The following BAZ1B variants were observed in gnomAD, a reference collection of about 807,000 sequenced individuals.
The protein encoded by BAZ1B is bromodomain adjacent to zinc finger domain 1B, also known as tyrosine-protein kinase BAZ1B.
BAZ1B carries 22 observed loss-of-function variants against 153.8 expected under a neutral mutation model. The ratio of observed to expected loss-of-function variants is 0.14; its 90% CI spans 0.10 to 0.20. The LOEUF is 0.20. BAZ1B is among the 10% of genes least tolerant of loss of function. The pLI is 1.00. For missense variants in BAZ1B, 1,325 were observed against 1,799.3 expected, an observed-to-expected ratio of 0.74 and a Z score of 4.77; for synonymous variants, 676 against 633.4, an observed-to-expected ratio of 1.07 and a Z score of -1.01.
chr7:73,443,691 C>T (rs575837130), intron 17 of BAZ1B, among the ~76,000 whole-genome samples: 2 of 152,320 alleles, frequency 1.3e-5, no homozygotes, highest in East Asian at 3.9e-4. Context: ...CCCAGCCCCT[C>T]TGAGCCCACT....
chr7:73,493,218 TGGGAGGCTGA>T (rs1417758705), intron 4 of BAZ1B, among the ~76,000 whole-genome samples: 3 of 152,098 alleles, frequency 2.0e-5, no homozygotes, highest in Non-Finnish European at 2.9e-5. Flanking sequence ...CCCAGCACTT[TGGGAGGCTGA>T]GGGAGGCGGA....
chr7:73,463,232 CTTTTTTCTTTTTTTTTTT>C (rs1788458116), intron 11 of BAZ1B, 133 bp from the exon 12 acceptor site: 1 of 638,504 alleles, frequency 1.6e-6, no homozygotes, highest in Admixed American at 3.7e-5. Context: ...GGTGTTTTTT[CTTTTTTCTTTTTTTTTTT>C]TTTTTTTCCC....
chr7:73,449,806 T>C (rs1225174968), intron 14 of BAZ1B, 117 bp from the exon 15 acceptor site: 3 of 1,112,976 alleles, frequency 2.7e-6, no homozygotes, highest in Non-Finnish European at 2.5e-6. Context: ...TTCCATAGAA[T>C]GCTACCCAGT....
chr7:73,442,800 C>T lies in BAZ1B; in HGVS notation c.4019G>A (p.Arg1340Lys), dbSNP rs150115317. The change falls in exon 18 of 20, where the codon AGG (arginine) becomes AAG (lysine). Residue 1340 changes from arginine to lysine, a missense_variant. Arg to Lys is a conservative substitution (Grantham distance 26, BLOSUM62 2). Transcript: ENST00000339594. Reference sequence around the variant, plus strand: ...ACACTTCTGCAGCTCCAGGCTTTGCCTCCGGGAGCTCCGCTTGGTCTGAAG... The same window carrying T: ...ACACTTCTGCAGCTCCAGGCTTTGCTTCCGGGAGCTCCGCTTGGTCTGAAG... ...LVLQTKRSSR[R>K]QSLELQKCEE... is the part of the protein sequence containing the mutation. The T allele has an allele frequency of 4.1e-3, 6,606 of 1,614,066 alleles. 14 individuals carry two copies. Among genetic ancestry groups the T allele is most frequent in the Non-Finnish European group, 5.1e-3 (5,988 of 1,179,926 alleles).
At chr7:73,443,541 T>C (rs1787710059) in intron 17 of BAZ1B, among the ~76,000 whole-genome samples, 1 of 152,164 alleles carries the variant, frequency 6.6e-6, no homozygotes, top group Non-Finnish European at 1.5e-5. Flanking sequence ...TTTTTTGTTC[T>C]TTAAAGCTCA....
intron 15 of BAZ1B, 108 bp from the exon 16 acceptor site, chr7:73,447,487 T>C (rs1787881845): frequency 1.5e-6 from 2 of 1,304,922 alleles, no homozygotes; most frequent in South Asian, 1.5e-5. Context: ...AGACTACATA[T>C]GTATAACGTA....
Position 73,466,365 on chromosome 7 carries a change from T to C in BAZ1B, c.2903A>G (p.Asn968Ser), listed in dbSNP as rs782293251. The change falls in exon 10 of 20, where the codon AAC becomes AGC. Residue 968 changes from asparagine to serine, a missense_variant. Physicochemically the swap from Asn to Ser is conservative, Grantham distance 46 (BLOSUM62 1). Around this residue, in one of 9 missense-constraint regions of BAZ1B, gnomAD observed 431 missense variants for 563.5 expected, o/e 0.76. Transcript: ENST00000339594. ...TTCTGTTGCTGTTCCATGTTGTGTGTTCATGCTTGCATTTTTACCTAAGTT... is the reference window on the plus strand; with the variant it reads ...TTCTGTTGCTGTTCCATGTTGTGTGCTCATGCTTGCATTTTTACCTAAGTT... The part of the protein sequence containing the change: ...KANLGKNASM[N>S]TQHGTATEVA... The C allele has an allele frequency of 4.0e-5, 64 of 1,613,930 alleles. No homozygotes were observed. The Admixed American group carries it at 9.7e-4, about 24-fold the overall frequency.
chr7:73,456,375 G>T (rs1318867356), intron 13 of BAZ1B, among the ~76,000 whole-genome samples: 2 of 152,164 alleles, frequency 1.3e-5, no homozygotes, highest in African/African-American at 4.8e-5. Context: ...GGCTACCCAT[G>T]GAACTGGAGA....
At position 73,521,946 on chromosome 7, in the gene BAZ1B, G is replaced by T; in HGVS notation, c.-13C>A. Reference sequence around the variant, plus strand: ...GGAGCGGCGCCATCGCGGCGGCGGCGGTGGGGACTGGCGGCTGCTGGGGCC... The same window carrying T: ...GGAGCGGCGCCATCGCGGCGGCGGCTGTGGGGACTGGCGGCTGCTGGGGCC... On this transcript the variant is annotated 5_prime_UTR_variant, in exon 1 of 20. Coordinates refer to ENST00000339594, the MANE Select transcript of BAZ1B (RefSeq NM_032408.4). 1.4e-6 allele frequency: 2 copies of T among 1,448,664 alleles called. No individual in the cohort carries two copies. The highest frequency in any genetic ancestry group is 3.7e-4 in the Middle Eastern group (2 of 5,342). The allele number at this position is 1,448,664 out of a possible 1,614,324, so 89.7% of individuals were successfully genotyped here.
Position 73,447,316 on chromosome 7 carries a change from C to T in BAZ1B, c.3792G>A (p.Glu1264=). ...SEDDESDEEE[E]EEEEEEEEED... is the part of the protein sequence containing the mutation. ...CTTCCTCCTCCTCCTCTTCTTCCTC[C>T]TCCTCCTCTTCATCACTCTCATCAT... is the stretch of plus-strand genomic sequence containing the variant. The change falls in exon 16 of 20, where the codon GAG becomes GAA. Residue 1264 remains glutamate (E), a synonymous_variant. Coordinates refer to ENST00000339594, the MANE Select transcript of BAZ1B (RefSeq NM_032408.4). 6.2e-7 allele frequency: 1 copy of T among 1,613,418 alleles called. No homozygotes were observed. Among genetic ancestry groups the T allele is most frequent in the South Asian group, 1.1e-5 (1 of 91,044 alleles).
chr7:73,507,216 T>C (rs1790379902), intron 3 of BAZ1B: 1 of 152,070 alleles, frequency 6.6e-6, no homozygotes, highest in Non-Finnish European at 1.5e-5. Flanking sequence ...ATGTGCTCAC[T>C]TTGTCAGCAC....
At chr7:73,447,480 C>CTACATACGTTA in intron 15 of BAZ1B, 101 bp from the exon 16 acceptor site, 4 of 1,353,258 alleles carry the variant, frequency 3.0e-6, no homozygotes, top group South Asian at 1.4e-5. Context: ...TCTTCACAGA[C>CTACATACGTTA]TACATATGTA....
intron 1 of BAZ1B, among the ~76,000 whole-genome samples, chr7:73,512,299 A>AT (rs113787048): frequency 0.014 from 1,959 of 140,792 alleles, 40 homozygotes; most frequent in African/African-American, 0.045. Flanking sequence ...TTTTTGTGTG[A>AT]TTTTTTTTTT....
intron 13 of BAZ1B, among the ~76,000 whole-genome samples, chr7:73,456,061 C>G (rs1788187547): frequency 6.6e-6 from 1 of 152,038 alleles, no homozygotes; most frequent in Admixed American, 6.6e-5. Flanking sequence ...AATAATAAAG[C>G]ATGCTACATT....
Position 73,441,108 on chromosome 7 carries a change from T to TCCCC in BAZ1B, c.*597_*600dup, listed in dbSNP as rs1554564759. On this transcript the variant is annotated 3_prime_UTR_variant, in exon 20 of 20. Transcript: ENST00000339594. Reference sequence around the variant, plus strand: ...GGCAGCAGACACAGCACTGCCCTGCTCCCCCTCCAATGTTGCTGCTTGCCT... The same window carrying TCCCC: ...GGCAGCAGACACAGCACTGCCCTGCTCCCCCCCCCTCCAATGTTGCTGCTTGCCT... 6.6e-6 allele frequency: 1 copy of TCCCC among 152,082 alleles called. No individual in the cohort carries two copies. The highest frequency in any genetic ancestry group is 1.5e-5 in the Non-Finnish European group (1 of 68,036). 9.4% of individuals were successfully genotyped at this position (152,082 alleles called of 1,614,324 possible).
chr7:73,473,037 G>T (rs545909032), intron 7 of BAZ1B, among the ~76,000 whole-genome samples: 1 of 151,914 alleles, frequency 6.6e-6, no homozygotes, highest in Admixed American at 6.6e-5. Context: ...AGACTCCCTG[G>T]TTCAAGCAAT....
At chr7:73,466,639 A>C (rs570040411) in intron 9 of BAZ1B, among the ~76,000 whole-genome samples, 2 of 152,352 alleles carry the variant, frequency 1.3e-5, no homozygotes, top group African/African-American at 4.8e-5. Flanking sequence ...TCCAAAGTTT[A>C]GGGGTACTGC....
At position 73,521,973 on chromosome 7, in the gene BAZ1B, G is replaced by A. The variant is rs1937364574; in HGVS notation, c.-40C>T. On this transcript the variant is annotated 5_prime_UTR_variant, in exon 1 of 20. Coordinates refer to ENST00000339594, the MANE Select transcript of BAZ1B (RefSeq NM_032408.4). Reference sequence around the variant, plus strand: ...TGGGGACTGGCGGCTGCTGGGGCCGGCCCCGCGGCGCAGCACTAGGCCCCG... The same window carrying A: ...TGGGGACTGGCGGCTGCTGGGGCCGACCCCGCGGCGCAGCACTAGGCCCCG... 8.1e-6 allele frequency: 11 copies of A among 1,349,696 alleles called. No individual in the cohort carries two copies. The South Asian group carries it at 1.3e-4, about 16-fold the overall frequency. 83.6% of individuals were successfully genotyped at this position (1,349,696 alleles called of 1,614,324 possible). A position where few individuals can be genotyped will look rare whatever the true frequency, so the allele number is the denominator to read the frequency against.
intron 13 of BAZ1B, among the ~76,000 whole-genome samples, chr7:73,458,965 T>C (rs1788295189): frequency 2.0e-5 from 3 of 152,072 alleles, no homozygotes; most frequent in South Asian, 2.1e-4. Flanking sequence ...AGTAAACTGG[T>C]AGACCAGGAG....
Sources: allele counts gnomAD v4.1 joint callset (sites outside exome capture counted in the v4.1 genomes callset), GRCh38; gene constraint gnomAD v4.1.1; regional missense constraint gnomAD v4.1.1; transcripts MANE v1.5; gene names NCBI Gene and HGNC (gene_info 2026-07-23, HGNC 2026-07-21).